NRG3: variants seen among roughly 807,000 people sequenced by gnomAD.
The protein encoded by NRG3 is pro-neuregulin-3, membrane-bound isoform.
In NRG3, 31 loss-of-function variants were observed where a neutral mutation model predicts 66.9. That is an observed-to-expected ratio of 0.46 (90% confidence interval 0.35 to 0.63). The LOEUF (loss-of-function observed/expected upper bound fraction) is 0.63, where lower values mean the gene tolerates loss of function less well. Ranked by LOEUF, NRG3 falls within the 20% of genes least tolerant of loss-of-function variation. NRG3 has a pLI of 0.00. For synonymous variants in NRG3, 393 were observed against 359.4 expected (o/e 1.09, Z -1.06); for missense variants, 910 against 878.9 (o/e 1.04, Z -0.45).
intron 1 of NRG3, among the ~76,000 whole-genome samples, chr10:81,957,168 G>A (rs533926763): frequency 2.6e-5 from 4 of 152,254 alleles, no homozygotes; most frequent in Non-Finnish European, 5.9e-5. Flanking sequence ...GAAGGTGGAG[G>A]CAGCCTAGGT....
At chr10:82,975,102 G>T (rs1278573630) in intron 7 of NRG3, among the ~76,000 whole-genome samples, 1 of 152,138 alleles carries the variant, frequency 6.6e-6, no homozygotes, top group East Asian at 1.9e-4. Context: ...TGCAAGTTTT[G>T]ATTTATATCA....
At chr10:81,940,340 T>G (rs528536239) in intron 1 of NRG3, among the ~76,000 whole-genome samples, 1 of 152,068 alleles carries the variant, frequency 6.6e-6, no homozygotes, top group Non-Finnish European at 1.5e-5. Context: ...TCTCTGATTA[T>G]TAATGAGTTG....
chr10:82,472,483 T>C (rs1264684770), intron 2 of NRG3, among the ~76,000 whole-genome samples: 1 of 152,222 alleles, frequency 6.6e-6, no homozygotes, highest in East Asian at 1.9e-4. Context: ...CCTTAAAATA[T>C]TTTTTATGAC....
intron 1 of NRG3, among the ~76,000 whole-genome samples, chr10:81,965,176 C>T (rs1484782050): frequency 2.0e-5 from 3 of 152,174 alleles, no homozygotes; most frequent in Non-Finnish European, 2.9e-5. Flanking sequence ...ATGGGTGACC[C>T]TGGCACAGGC....
Position 81,963,696 on chromosome 10 carries a change from C to G in NRG3, c.823+87533C>G, listed in dbSNP as rs985618773. The stretch of plus-strand genomic sequence containing the variant: ...TTTTACACGACGGGACACACGTCCA[C>G]TTTCATGATGCAGTGCTAAGGGTTG... On this transcript the variant is annotated intron_variant, in intron 1 of 8. Transcript: ENST00000372141. Among the ~76,000 whole-genome samples the G allele has an allele frequency of 2.6e-5, 4 of 152,194 alleles. No individual in the cohort carries two copies. The East Asian group carries it at 7.7e-4, about 29-fold the overall frequency.
intron 2 of NRG3, among the ~76,000 whole-genome samples, chr10:82,653,650 T>TA (rs146436902): frequency 2.8e-4 from 41 of 148,830 alleles, no homozygotes; most frequent in Admixed American, 8.7e-4. Flanking sequence ...GGTTTTTTTT[T>TA]AAAAAAAAAA....
At chr10:82,456,137 C>CCTT (rs771637537) in intron 2 of NRG3, among the ~76,000 whole-genome samples, 1 of 88,802 alleles carries the variant, frequency 1.1e-5, no homozygotes, top group African/African-American at 3.8e-5. Flanking sequence ...TTTTCTGTCA[C>CCTT]TTTTTTTTTT....
intron 2 of NRG3, among the ~76,000 whole-genome samples, chr10:82,367,385 G>T (rs1464855581): frequency 6.6e-6 from 1 of 152,084 alleles, no homozygotes; most frequent in East Asian, 1.9e-4. Flanking sequence ...AAAACACCTT[G>T]AAAATTACTG....
At chr10:82,287,465 T>A (rs1373525166) in intron 1 of NRG3, among the ~76,000 whole-genome samples, 1 of 151,886 alleles carries the variant, frequency 6.6e-6, no homozygotes, top group Non-Finnish European at 1.5e-5. Context: ...AGATATTTCT[T>A]TATAGCAATG....
intron 1 of NRG3, among the ~76,000 whole-genome samples, chr10:82,263,854 T>C (rs1408338398): frequency 1.3e-5 from 2 of 152,226 alleles, no homozygotes; most frequent in Non-Finnish European, 2.9e-5. Flanking sequence ...TAGCAAATGT[T>C]GTTGCTTTTA....
chr10:82,139,979 G>A (rs1026169570), intron 1 of NRG3, among the ~76,000 whole-genome samples: 2 of 152,002 alleles, frequency 1.3e-5, no homozygotes, highest in African/African-American at 4.8e-5. Flanking sequence ...TTTTAATAAG[G>A]TTTTCAGTTG....
intron 2 of NRG3, among the ~76,000 whole-genome samples, chr10:82,638,618 A>G (rs1304301863): frequency 2.6e-5 from 4 of 151,726 alleles, no homozygotes; most frequent in Non-Finnish European, 5.9e-5. Context: ...AGCATCCAAA[A>G]TCACACTCCA....
intron 1 of NRG3, among the ~76,000 whole-genome samples, chr10:82,082,127 A>G (rs1282632016): frequency 2.0e-5 from 3 of 152,234 alleles, no homozygotes; most frequent in African/African-American, 7.2e-5. Context: ...CATTTAAAAT[A>G]CTTTACAGAA....
rs571050130 is a variant in NRG3 at position 82,013,558 on chromosome 10, TTAAG to T, written c.823+137398_823+137401del. Among the ~76,000 whole-genome samples, 61 of 152,274 alleles carry T rather than the reference TTAAG, an allele frequency of 4.0e-4. No homozygotes were observed. In the East Asian group the frequency reaches 0.01, roughly 26 times the overall value. ...AATTTTTAGTATAAATTTGGAGACT[TTAAG>T]TATTCATGTCAGAAAAAAATATTTC... On this transcript the variant is annotated intron_variant, in intron 1 of 8. Coordinates refer to ENST00000372141, the MANE Select transcript of NRG3 (RefSeq NM_001010848.4).
At chr10:82,622,969 T>TG (rs1028953489) in intron 2 of NRG3, among the ~76,000 whole-genome samples, 2 of 151,556 alleles carry the variant, frequency 1.3e-5, no homozygotes, top group African/African-American at 4.9e-5. Context: ...CAATTTTGGA[T>TG]GGGTTTTTTT....
intron 5 of NRG3, 29 bp downstream of exon 5, chr10:82,951,600 G>A (rs767805880): frequency 6.3e-7 from 1 of 1,587,082 alleles, no homozygotes; most frequent in Non-Finnish European, 8.6e-7. Flanking sequence ...AGTGTTTAAA[G>A]GTTACTTTTA....
At chr10:82,420,335 A>G (rs1243153768) in intron 2 of NRG3, among the ~76,000 whole-genome samples, 1 of 152,148 alleles carries the variant, frequency 6.6e-6, no homozygotes, top group Non-Finnish European at 1.5e-5. Context: ...ATTTCACACT[A>G]AACTGTAGTT....
intron 1 of NRG3, among the ~76,000 whole-genome samples, chr10:81,958,848 C>T (rs1238146011): frequency 6.6e-6 from 1 of 151,918 alleles, no homozygotes; most frequent in Non-Finnish European, 1.5e-5. Flanking sequence ...AAAAACAAGC[C>T]CCACTACACT....
intron 1 of NRG3, among the ~76,000 whole-genome samples, chr10:81,932,381 C>T (rs1255018628): frequency 6.6e-6 from 1 of 152,126 alleles, no homozygotes; most frequent in Non-Finnish European, 1.5e-5. Context: ...GTTCTGCCCC[C>T]CAGCATTGGG....
Sources: gnomAD v4.1 joint callset for allele counts (sites outside exome capture counted in the v4.1 genomes callset) on GRCh38, gnomAD v4.1.1 for gene constraint, MANE v1.5 for transcripts, NCBI Gene and HGNC (gene_info 2026-07-23, HGNC 2026-07-21) for gene names.